Variants in CA13 observed in about 807,000 individuals in gnomAD.
CA13 encodes carbonic anhydrase 13.
CA13 carries 21 observed loss-of-function variants against 31.5 expected under a neutral mutation model. The ratio of observed to expected loss-of-function variants is 0.67; its 90% CI spans 0.47 to 0.96. The LOEUF (loss-of-function observed/expected upper bound fraction) is 0.96, where lower values mean the gene tolerates loss of function less well. Among genes scored for constraint, CA13 ranks in the 40% least tolerant of loss-of-function variants. The probability of loss-of-function intolerance (pLI) is 0.00; values close to 1 mark genes in which losing one functional copy is unlikely to be tolerated. For synonymous variants in CA13, 117 were observed against 111.4 expected, an observed-to-expected ratio of 1.05 and a Z score of -0.32; for missense variants, 315 against 318.9, an observed-to-expected ratio of 0.99 and a Z score of 0.09.
intron 1 of CA13, among the ~76,000 whole-genome samples, chr8:85,249,467 C>T (rs1433960018): frequency 6.7e-6 from 1 of 148,970 alleles, no homozygotes; most frequent in East Asian, 2.0e-4. Flanking sequence ...TGCATTCCAG[C>T]CTGGGTAACA....
At chr8:85,258,911 G>A (rs1807339258) in intron 2 of CA13, among the ~76,000 whole-genome samples, 1 of 151,786 alleles carries the variant, frequency 6.6e-6, no homozygotes, top group Non-Finnish European at 1.5e-5. Flanking sequence ...TAGGCAACAG[G>A]GCGAGACCTT....
intron 2 of CA13, among the ~76,000 whole-genome samples, chr8:85,253,520 C>T (rs1249618423): frequency 6.6e-6 from 1 of 152,190 alleles, no homozygotes; most frequent in Non-Finnish European, 1.5e-5. Context: ...CCGCCTCGGT[C>T]TCCCAAAGTG....
intron 1 of CA13, among the ~76,000 whole-genome samples, chr8:85,249,220 C>A (rs1160699341): frequency 1.3e-5 from 2 of 152,054 alleles, no homozygotes; most frequent in Non-Finnish European, 2.9e-5. Context: ...GAGTTTGGGC[C>A]AGGCGTGGTG....
At chr8:85,246,013 C>G (rs1813721794) in intron 1 of CA13, 148 bp downstream of exon 1, 1 of 901,908 alleles carries the variant, frequency 1.1e-6, no homozygotes, top group South Asian at 1.4e-5. Flanking sequence ...CTCCTGGGAG[C>G]CCAGTGCGAG....
intron 6 of CA13, among the ~76,000 whole-genome samples, chr8:85,271,708 T>C (rs1212218491): frequency 1.3e-5 from 2 of 152,202 alleles, no homozygotes; most frequent in African/African-American, 4.8e-5. Flanking sequence ...GTGAAACTCA[T>C]GAATTTTAAG....
chr8:85,266,011 C>T (rs1021751291), intron 3 of CA13, among the ~76,000 whole-genome samples: 2 of 152,102 alleles, frequency 1.3e-5, no homozygotes, highest in Non-Finnish European at 2.9e-5. Context: ...GTTGACTTCT[C>T]CACCCATCTG....
Position 85,281,245 on chromosome 8 carries a change from A to G in CA13, c.685A>G (p.Ser229Gly). Residue 229 changes from serine to glycine, a missense_variant, in exon 7 of 7, where the codon AGT (serine) becomes GGT (glycine). Coordinates refer to ENST00000321764, the MANE Select transcript of CA13 (RefSeq NM_198584.3). ...ISSQQLAKFR[S>G]LLCTAEGEAA... ...TCTTCTACAGCTGGCCAAATTTCGC[A>G]GTCTCCTGTGCACAGCGGAGGGTGA... 1.2e-6 allele frequency: 2 copies of G among 1,613,436 alleles called. No homozygotes were observed. The highest frequency in any genetic ancestry group is 1.3e-5 in the African/African-American group (1 of 75,030).
intron 2 of CA13, among the ~76,000 whole-genome samples, chr8:85,254,795 GT>G (rs1260444655): frequency 8.8e-5 from 8 of 90,690 alleles, no homozygotes; most frequent in South Asian, 3.5e-4. Flanking sequence ...TTTTGGTTTT[GT>G]TTTTTTTTTA....
At chr8:85,258,310 T>C (rs1412437328) in intron 2 of CA13, among the ~76,000 whole-genome samples, 1 of 152,180 alleles carries the variant, frequency 6.6e-6, no homozygotes, top group Non-Finnish European at 1.5e-5. Flanking sequence ...CTTTTCTATA[T>C]ACTTAAGATA....
chr8:85,269,311 G>T (rs2129989994), intron 6 of CA13, among the ~76,000 whole-genome samples: 1 of 152,256 alleles, frequency 6.6e-6, no homozygotes, highest in South Asian at 2.1e-4. Flanking sequence ...AAGTAGCCAG[G>T]TGTGGTGTGC....
At chr8:85,253,274 TA>T (rs200840322) in intron 2 of CA13, among the ~76,000 whole-genome samples, 2,553 of 151,230 alleles carry the variant, frequency 0.017, 38 homozygotes, top group East Asian at 0.063. Flanking sequence ...TTTATTTATT[TA>T]TTTTTTTGAG....
At position 85,281,271 on chromosome 8, in the gene CA13, A is replaced by G. The variant is rs773448501; in HGVS notation, c.711A>G (p.Glu237=). The G allele has an allele frequency of 6.2e-7, 1 of 1,614,102 alleles. No individual in the cohort carries two copies. Among genetic ancestry groups the G allele is most frequent in the Admixed American group, 1.7e-5 (1 of 60,022 alleles). ...FRSLLCTAEG[E]AAAFLVSNHR... The stretch of plus-strand genomic sequence containing the variant: ...GTCTCCTGTGCACAGCGGAGGGTGA[A>G]GCAGCAGCTTTTCTGGTGAGCAATC... The change falls in exon 7 of 7, where the codon GAA becomes GAG. Residue 237 remains glutamate (E), a synonymous_variant. Transcript: ENST00000321764.
At chr8:85,248,883 T>C (rs1455938713) in intron 1 of CA13, among the ~76,000 whole-genome samples, 1 of 152,208 alleles carries the variant, frequency 6.6e-6, no homozygotes, top group Non-Finnish European at 1.5e-5. Flanking sequence ...GAATTTTCGT[T>C]AGGTTAACTC....
chr8:85,258,743 T>A (rs941170245), intron 2 of CA13, among the ~76,000 whole-genome samples: 1 of 109,118 alleles, frequency 9.2e-6, no homozygotes, highest in Non-Finnish European at 1.7e-5. Context: ...GATAACATAG[T>A]GAGGCCCTGT....
intron 1 of CA13, among the ~76,000 whole-genome samples, chr8:85,248,805 A>C (rs886160681): frequency 2.0e-5 from 3 of 152,200 alleles, no homozygotes; most frequent in Non-Finnish European, 4.4e-5. Flanking sequence ...TTAGGAGAAG[A>C]AAGCAACTCT....
intron 3 of CA13, among the ~76,000 whole-genome samples, chr8:85,261,790 C>G (rs1006412738): frequency 6.6e-6 from 1 of 152,054 alleles, no homozygotes; most frequent in Non-Finnish European, 1.5e-5. Flanking sequence ...AAACTATGAC[C>G]AGCACCAGCA....
In CA13 at chr8:85,268,507, GTC is replaced by G. The variant is rs1302969291; in HGVS notation, c.553_554del (p.Leu185AlafsTer21). The G allele has an allele frequency of 6.2e-7, 1 of 1,613,884 alleles. No homozygotes were observed. The highest frequency in any genetic ancestry group is 1.7e-5 in the Admixed American group (1 of 59,994). On this transcript the variant is annotated frameshift_variant, in exon 6 of 7. Coordinates refer to ENST00000321764, the MANE Select transcript of CA13 (RefSeq NM_198584.3). LOFTEE classifies it high-confidence loss of function. ...QTRFTNFDLLSLLPPSWDYWT... is the reference protein window; with the variant it reads ...QTRFTNFDLLXLLPPSWDYWT... ...CTCGATTCACAAATTTTGACCTATTGTCTCTGCTTCCACCATCCTGGGACTAC... is the reference window on the plus strand; with the variant it reads ...CTCGATTCACAAATTTTGACCTATTGTCTGCTTCCACCATCCTGGGACTAC...
At chr8:85,277,095 T>TG (rs1040203985) in intron 6 of CA13, among the ~76,000 whole-genome samples, 1 of 151,960 alleles carries the variant, frequency 6.6e-6, no homozygotes, top group Non-Finnish European at 1.5e-5. Flanking sequence ...AGGATGTGGG[T>TG]GGGGCCAGAT....
chr8:85,251,282 G>A (rs898549629), intron 2 of CA13, among the ~76,000 whole-genome samples: 1 of 152,240 alleles, frequency 6.6e-6, no homozygotes, highest in Admixed American at 6.5e-5. Flanking sequence ...GATTACAGGC[G>A]TGAGCCACCG....
Sources: gnomAD v4.1 joint callset for allele counts (sites outside exome capture counted in the v4.1 genomes callset) on GRCh38, gnomAD v4.1.1 for gene constraint, MANE v1.5 for transcripts, NCBI Gene and HGNC (gene_info 2026-07-23, HGNC 2026-07-21) for gene names.